FAM135B: variants seen among roughly 807,000 people sequenced by gnomAD.
The protein encoded by FAM135B is protein FAM135B.
Under a neutral mutation model 127.7 loss-of-function variants are expected in FAM135B, and 43 were observed. That is an observed-to-expected ratio of 0.34 (90% CI 0.26 to 0.43). FAM135B has a LOEUF of 0.43. FAM135B is among the 20% of genes least tolerant of loss of function. The pLI is 1.00. For missense variants in FAM135B, 1,558 were observed against 1,725.6 expected (o/e 0.90, Z 1.72); for synonymous variants, 670 against 665.1 (o/e 1.01, Z -0.11).
chr8:138,437,795 A>G (rs992247018), intron 1 of FAM135B: 2 of 152,182 alleles, frequency 1.3e-5, no homozygotes, highest in Non-Finnish European at 2.9e-5. Flanking sequence ...AACACAACAC[A>G]CTACCACAAA....
chr8:138,384,208 T>A (rs1224777537), intron 1 of FAM135B, among the ~76,000 whole-genome samples: 1 of 152,184 alleles, frequency 6.6e-6, no homozygotes, highest in South Asian at 2.1e-4. Flanking sequence ...ATTAGCTTGA[T>A]GTCTGACTGT....
chr8:138,258,792 AGACACACACAC>A (rs1822302875), intron 4 of FAM135B, among the ~76,000 whole-genome samples: 1 of 117,052 alleles, frequency 8.5e-6, no homozygotes, highest in Non-Finnish European at 1.7e-5. Context: ...CCCTTCAAAA[AGACACACACAC>A]CACACACACA....
intron 1 of FAM135B, among the ~76,000 whole-genome samples, chr8:138,457,262 C>A (rs1836839692): frequency 6.6e-6 from 1 of 152,016 alleles, no homozygotes; most frequent in Non-Finnish European, 1.5e-5. Context: ...CAGGCATCTC[C>A]AACACTGAGC....
At chr8:138,133,502 A>G (rs2130498725) in intron 19 of FAM135B, among the ~76,000 whole-genome samples, 1 of 152,278 alleles carries the variant, frequency 6.6e-6, no homozygotes, top group East Asian at 1.9e-4. Context: ...TGTTTATGAC[A>G]ACTTTTGTAT....
At chr8:138,433,841 G>A (rs1410846043) in intron 1 of FAM135B, among the ~76,000 whole-genome samples, 10 of 152,276 alleles carry the variant, frequency 6.6e-5, no homozygotes, top group African/African-American at 1.2e-4. Flanking sequence ...GTTAAAACCC[G>A]TGGCAATAGC....
At chr8:138,363,318 A>G (rs868720425) in intron 2 of FAM135B, among the ~76,000 whole-genome samples, 10 of 152,160 alleles carry the variant, frequency 6.6e-5, no homozygotes, top group Admixed American at 3.3e-4. Flanking sequence ...AATGCCGTAA[A>G]CTTTCAGATT....
chr8:138,341,179 T>C (rs1193207320), intron 2 of FAM135B, among the ~76,000 whole-genome samples: 1 of 152,220 alleles, frequency 6.6e-6, no homozygotes, highest in Admixed American at 6.5e-5. Flanking sequence ...CATCACCAGA[T>C]GACTGGATAA....
chr8:138,215,314 A>G (rs1340433398), intron 7 of FAM135B, among the ~76,000 whole-genome samples: 1 of 152,228 alleles, frequency 6.6e-6, no homozygotes, highest in East Asian at 1.9e-4. Flanking sequence ...GTGTGCAAGA[A>G]CTTAATATGG....
At position 138,334,223 on chromosome 8, in the gene FAM135B, C is replaced by T. The variant is rs562666958; in HGVS notation, c.78-23303G>A. Among the ~76,000 whole-genome samples, 21 of 152,160 alleles carry T rather than the reference C, an allele frequency of 1.4e-4. No homozygotes were observed. The South Asian group carries it at 4.4e-3, about 32-fold the overall frequency. ...CAGGCATGAGACACCATGTCCGGCC[C>T]CATCTCTCTCTTATTGACCCACGAC... On this transcript the variant is annotated intron_variant, in intron 2 of 19. Coordinates refer to ENST00000395297, the MANE Select transcript of FAM135B (RefSeq NM_015912.4).
At position 138,132,558 on chromosome 8, in the gene FAM135B, G is replaced by A. The variant is rs747978632; in HGVS notation, c.*35C>T. ...TCTCAGCTAAAGCTCTCCACCGATC[G>A]TAAGCATTACCAAAGACCTGCTCCC... On this transcript the variant is annotated 3_prime_UTR_variant, in exon 20 of 20. Coordinates refer to ENST00000395297, the MANE Select transcript of FAM135B (RefSeq NM_015912.4). This position sits in a 1 kb window ranked among gnomAD's most constrained non-coding sequence, Gnocchi z 4.5. 87 of 1,558,072 alleles carry A rather than the reference G, an allele frequency of 5.6e-5. No homozygotes were observed. The Middle Eastern group carries it at 6.7e-4, about 12-fold the overall frequency.
intron 1 of FAM135B, among the ~76,000 whole-genome samples, chr8:138,492,775 C>G (rs980096232): frequency 6.6e-6 from 1 of 152,130 alleles, no homozygotes; most frequent in Non-Finnish European, 1.5e-5. Flanking sequence ...GACTCTCTCT[C>G]CTTTAAGAAG....
chr8:138,424,335 C>G (rs1009771401), intron 1 of FAM135B, among the ~76,000 whole-genome samples: 14 of 152,160 alleles, frequency 9.2e-5, no homozygotes, highest in African/African-American at 3.4e-4. Flanking sequence ...AATAAATGTC[C>G]ATGACATCTT....
intron 7 of FAM135B, among the ~76,000 whole-genome samples, chr8:138,203,585 T>C (rs1304029428): frequency 6.6e-6 from 1 of 152,124 alleles, no homozygotes; most frequent in Non-Finnish European, 1.5e-5. Context: ...TCATCCACTG[T>C]TTGTAAGAGA....
chr8:138,214,148 C>A (rs1818360400), intron 7 of FAM135B, among the ~76,000 whole-genome samples: 1 of 152,102 alleles, frequency 6.6e-6, no homozygotes, highest in Non-Finnish European at 1.5e-5. Context: ...TTGCCCCTGG[C>A]TTTTTTTCAA....
intron 3 of FAM135B, among the ~76,000 whole-genome samples, chr8:138,266,477 A>G (rs1822931085): frequency 6.6e-6 from 1 of 152,056 alleles, no homozygotes; most frequent in Non-Finnish European, 1.5e-5. Flanking sequence ...AGACAAATCT[A>G]TGCAATGCTT....
intron 3 of FAM135B, among the ~76,000 whole-genome samples, chr8:138,281,075 A>G (rs1307245026): frequency 1.3e-5 from 2 of 152,176 alleles, no homozygotes; most frequent in Non-Finnish European, 2.9e-5. Context: ...TTAGGTGATT[A>G]CATTCCACAC....
rs73715551 is a variant in FAM135B, at chr8:138,235,823, C to A, written c.669+7119G>T. Among the ~76,000 whole-genome samples, 694 of 152,270 alleles carry A rather than the reference C, an allele frequency of 4.6e-3. 2 individuals are homozygous for A. Among genetic ancestry groups the A allele is most frequent in the Middle Eastern group, 0.017 (5 of 294 alleles). ...TACTGTTCTACGATTCTCTGCAATT[C>A]GACTTAAAGACAGCTTCAGAGTGGC... On this transcript the variant is annotated intron_variant, in intron 7 of 19. Coordinates refer to ENST00000395297, the MANE Select transcript of FAM135B (RefSeq NM_015912.4).
intron 4 of FAM135B, 74 bp from the exon 5 acceptor site, chr8:138,256,833 T>G: frequency 8.9e-7 from 1 of 1,124,060 alleles, no homozygotes; most frequent in African/African-American, 1.5e-5. Context: ...CTGGTCTACT[T>G]CCCAAAGTAG....
chr8:138,280,459 GC>G (rs1388898842), intron 3 of FAM135B, among the ~76,000 whole-genome samples: 1 of 152,130 alleles, frequency 6.6e-6, no homozygotes, highest in African/African-American at 2.4e-5. Context: ...CAATCGGCTG[GC>G]CCTTTATATG....
Sources: allele counts gnomAD v4.1 joint callset (sites outside exome capture counted in the v4.1 genomes callset), GRCh38; gene constraint gnomAD v4.1.1; non-coding constraint Gnocchi (gnomAD v3.1); transcripts MANE v1.5; gene names NCBI Gene and HGNC (gene_info 2026-07-23, HGNC 2026-07-21).